TCAF1: variants seen among roughly 807,000 people sequenced by gnomAD.
TCAF1 encodes the protein TRPM8 channel-associated factor 1.
A neutral mutation model predicts 27.3 loss-of-function variants in TCAF1; 4 were observed. The observed-to-expected ratio is 0.15, with a 90% CI of 0.07 to 0.34. The LOEUF (loss-of-function observed/expected upper bound fraction) is 0.34. TCAF1 is among the 10% of genes least tolerant of loss of function. TCAF1 has a pLI of 1.00. For synonymous variants in TCAF1, 105 were observed against 167.1 expected, an observed-to-expected ratio of 0.63 and a Z score of 2.87; for missense variants, 257 against 425.8, an observed-to-expected ratio of 0.60 and a Z score of 3.49.
chr7:143,885,174 G>C (rs13223791), intron 1 of TCAF1: 464,739 of 985,412 alleles, frequency 0.47, 112,331 homozygotes, highest in African/African-American at 0.75. Flanking sequence ...CCCGGGCCTG[G>C]TCTGGTCCCC....
chr7:143,885,098 T>C (rs1813325383), intron 1 of TCAF1: 1 of 985,458 alleles, frequency 1.0e-6, no homozygotes, highest in Non-Finnish European at 1.2e-6. Context: ...CCCGACCCAG[T>C]GCCTCCTTCT....
intron 1 of TCAF1, among the ~76,000 whole-genome samples, chr7:143,891,031 A>G (rs1813615623): frequency 6.6e-6 from 1 of 152,256 alleles, no homozygotes; most frequent in Non-Finnish European, 1.5e-5. Flanking sequence ...AATCCCTGAC[A>G]TATGAAGAAG....
At chr7:143,900,478 G>C (rs1214033434) in intron 1 of TCAF1, among the ~76,000 whole-genome samples, 2 of 151,980 alleles carry the variant, frequency 1.3e-5, no homozygotes, top group Admixed American at 6.6e-5. Context: ...GAGGCCAATC[G>C]GCCTGCCAGC....
chr7:143,896,538 A>G (rs1275607608), intron 1 of TCAF1, among the ~76,000 whole-genome samples: 1 of 152,062 alleles, frequency 6.6e-6, no homozygotes, highest in African/African-American at 2.4e-5. Context: ...TACGCACACA[A>G]AGAAAACTTA....
intron 1 of TCAF1, among the ~76,000 whole-genome samples, chr7:143,886,866 AT>A (rs56317170): frequency 0.046 from 5,325 of 114,856 alleles, 318 homozygotes; most frequent in African/African-American, 0.14. Flanking sequence ...GAGTTTTTGT[AT>A]TTTTTTTTTT....
intron 1 of TCAF1, among the ~76,000 whole-genome samples, chr7:143,884,745 A>G (rs1426857483): frequency 6.6e-6 from 1 of 150,622 alleles, no homozygotes; most frequent in Admixed American, 6.6e-5. Context: ...TTTCTTAGAA[A>G]GAAAGGGGGG....
intron 1 of TCAF1, among the ~76,000 whole-genome samples, chr7:143,880,799 A>G (rs544896252): frequency 6.6e-6 from 1 of 152,304 alleles, no homozygotes; most frequent in Non-Finnish European, 1.5e-5. Context: ...TTAACCAGCT[A>G]TCAGTGACTC....
At chr7:143,874,840 T>G (rs888648589) in intron 2 of TCAF1, among the ~76,000 whole-genome samples, 1 of 152,174 alleles carries the variant, frequency 6.6e-6, no homozygotes, top group African/African-American at 2.4e-5. Context: ...GTGCCCCTAA[T>G]TCTCAGATCT....
chr7:143,880,277 A>G (rs755953734), intron 1 of TCAF1, among the ~76,000 whole-genome samples: 4 of 152,224 alleles, frequency 2.6e-5, no homozygotes, highest in Non-Finnish European at 4.4e-5. Flanking sequence ...CTCCAAAATC[A>G]TAATGCCCAG....
rs1297723966 is a variant in TCAF1, at chr7:143,860,026, A to G, written c.2167+182T>C. Among the ~76,000 whole-genome samples, 6 of 63,706 alleles carry G rather than the reference A, an allele frequency of 9.4e-5. No individual in the cohort carries two copies. In the East Asian group the frequency reaches 3.2e-3, roughly 34 times the overall value. 41.8% of individuals were successfully genotyped at this position (63,706 alleles called of 152,430 possible). On this transcript the variant is annotated intron_variant, in intron 6 of 8. Transcript: ENST00000479870. Reference sequence around the variant, plus strand: ...AATATATATATAATATATATTATATATTATATATATAATATATAATATATA... The same window carrying G: ...AATATATATATAATATATATTATATGTTATATATATAATATATAATATATA...
At chr7:143,895,093 C>G (rs1302475303) in intron 1 of TCAF1, among the ~76,000 whole-genome samples, 2 of 151,756 alleles carry the variant, frequency 1.3e-5, no homozygotes, top group Non-Finnish European at 3.0e-5. Context: ...TGATGAGGAT[C>G]TGGAGCTGAT....
At chr7:143,885,466 G>C in intron 1 of TCAF1, 1 of 985,402 alleles carries the variant, frequency 1.0e-6, no homozygotes, top group African/African-American at 1.7e-5. Flanking sequence ...CTTTGTGTCA[G>C]TTTCTACCCC....
At position 143,851,995 on chromosome 7, in the gene TCAF1, A is replaced by G. The variant is rs1404942264; in HGVS notation, c.*2138T>C. The G allele has an allele frequency of 6.6e-6, 1 of 152,252 alleles. No homozygotes were observed. Among genetic ancestry groups the G allele is most frequent in the African/African-American group, 2.4e-5 (1 of 41,444 alleles). 9.4% of individuals were successfully genotyped at this position (152,252 alleles called of 1,614,324 possible). On this transcript the variant is annotated 3_prime_UTR_variant, in exon 9 of 9. Transcript: ENST00000479870. ...TTGAATACTAATAAATGATATCCACATTATTTTGGCTATTTAAATACTTCT... is the reference window on the plus strand; with the variant it reads ...TTGAATACTAATAAATGATATCCACGTTATTTTGGCTATTTAAATACTTCT...
At chr7:143,895,454 A>G (rs1428743622) in intron 1 of TCAF1, among the ~76,000 whole-genome samples, 1 of 151,898 alleles carries the variant, frequency 6.6e-6, no homozygotes, top group South Asian at 2.1e-4. Context: ...TTGGACCAAT[A>G]TATCATGACA....
intron 7 of TCAF1, among the ~76,000 whole-genome samples, chr7:143,858,592 G>T (rs1811660364): frequency 6.6e-6 from 1 of 152,148 alleles, no homozygotes; most frequent in South Asian, 2.1e-4. Context: ...TCTCTATGGG[G>T]TGGAAGGTGA....
At chr7:143,889,372 A>C (rs940344356) in intron 1 of TCAF1, among the ~76,000 whole-genome samples, 1 of 149,284 alleles carries the variant, frequency 6.7e-6, no homozygotes, top group African/African-American at 2.6e-5. Context: ...TAGTGAATTA[A>C]AGAAGAGAAG....
intron 1 of TCAF1, among the ~76,000 whole-genome samples, chr7:143,893,325 T>C (rs1374033636): frequency 1.3e-5 from 2 of 152,138 alleles, no homozygotes; most frequent in African/African-American, 4.8e-5. Context: ...TAGTTGAAGA[T>C]TTAAGTACAT....
At position 143,876,426 on chromosome 7, in the gene TCAF1, G is replaced by A. The variant is rs1812717634; in HGVS notation, c.183C>T (p.Val61=). 1.9e-6 allele frequency: 3 copies of A among 1,612,140 alleles called. No homozygotes were observed. Among genetic ancestry groups the A allele is most frequent in the Non-Finnish European group, 2.5e-6 (3 of 1,179,112 alleles). The part of the protein sequence containing the change: ...ASSYGRGRLV[V]VSHEDYLVEA... ...CCACCAAGTAGTCCTCATGGGACAC[G>A]ACCACCAGGCGGCCACGGCCATAGG... Residue 61 remains valine, a synonymous_variant, in exon 2 of 9, where the codon GTC becomes GTT. Coordinates refer to ENST00000479870, the MANE Select transcript of TCAF1 (RefSeq NM_014719.3).
chr7:143,896,327 A>G (rs540852385), intron 1 of TCAF1, among the ~76,000 whole-genome samples: 1 of 152,118 alleles, frequency 6.6e-6, no homozygotes. Context: ...CTGATAACAT[A>G]GCCTCAAGAT....
Sources: allele counts gnomAD v4.1 joint callset (sites outside exome capture counted in the v4.1 genomes callset), GRCh38; gene constraint gnomAD v4.1.1; transcripts MANE v1.5; gene names NCBI Gene and HGNC (gene_info 2026-07-23, HGNC 2026-07-21).